Variants in FAM171A1 observed in about 807,000 individuals in gnomAD.
FAM171A1 encodes protein FAM171A1.
A neutral mutation model predicts 74.9 loss-of-function variants in FAM171A1; 23 were observed. That is an observed-to-expected ratio of 0.31 (90% CI 0.22 to 0.44). FAM171A1 has a LOEUF of 0.44. Ranked by LOEUF, FAM171A1 falls within the 20% of genes least tolerant of loss-of-function variation. The pLI is 1.00. For synonymous variants in FAM171A1, 527 were observed against 505.7 expected (o/e 1.04, Z -0.57); for missense variants, 1,162 against 1,159.2 (o/e 1.00, Z -0.03).
intron 1 of FAM171A1, among the ~76,000 whole-genome samples, chr10:15,369,123 G>A (rs532579285): frequency 1.4e-4 from 22 of 151,924 alleles, no homozygotes; most frequent in African/African-American, 4.3e-4. Flanking sequence ...CTCCCATTTC[G>A]CATAATATTC....
At chr10:15,277,848 C>T (rs1834913857) in intron 2 of FAM171A1, among the ~76,000 whole-genome samples, 1 of 152,106 alleles carries the variant, frequency 6.6e-6, no homozygotes, top group African/African-American at 2.4e-5. Context: ...CCTCTGCCTC[C>T]CACGTTCAAG....
intron 1 of FAM171A1, among the ~76,000 whole-genome samples, chr10:15,299,158 ATC>A (rs1419562174): frequency 6.6e-6 from 1 of 152,172 alleles, no homozygotes; most frequent in African/African-American, 2.4e-5. Flanking sequence ...ACCTCAGGTG[ATC>A]CGCCTGCTTC....
intron 3 of FAM171A1, among the ~76,000 whole-genome samples, chr10:15,275,199 G>C (rs540701648): frequency 3.9e-5 from 6 of 152,036 alleles, no homozygotes; most frequent in Non-Finnish European, 5.9e-5. Context: ...CATGTATACA[G>C]ATGTAACAAA....
intron 3 of FAM171A1, among the ~76,000 whole-genome samples, chr10:15,268,523 T>C (rs1014912848): frequency 1.3e-5 from 2 of 152,012 alleles, no homozygotes; most frequent in Non-Finnish European, 2.9e-5. Flanking sequence ...GCCAAAAATA[T>C]CAAGCTCTAT....
At chr10:15,342,585 C>CA (rs1365551476) in intron 1 of FAM171A1, among the ~76,000 whole-genome samples, 2 of 151,856 alleles carry the variant, frequency 1.3e-5, no homozygotes, top group Non-Finnish European at 2.9e-5. Context: ...GGCTCTGTCT[C>CA]AAAAAAACAC....
At chr10:15,312,721 A>ATTTTTTTTTTTTTTTTTTTT (rs1835378570) in intron 1 of FAM171A1, among the ~76,000 whole-genome samples, 1 of 31,212 alleles carries the variant, frequency 3.2e-5, no homozygotes, top group African/African-American at 1.2e-4. Flanking sequence ...TTTTGAGACG[A>ATTTTTTTTTTTTTTTTTTTT]TATTTTGCTC....
At chr10:15,240,151 G>A (rs977260274) in intron 5 of FAM171A1, among the ~76,000 whole-genome samples, 5 of 152,032 alleles carry the variant, frequency 3.3e-5, no homozygotes, top group African/African-American at 1.2e-4. Flanking sequence ...ACTTGAGGTC[G>A]GGAGTTCGAG....
intron 5 of FAM171A1, among the ~76,000 whole-genome samples, chr10:15,238,684 G>C (rs1028989991): frequency 4.5e-4 from 68 of 152,262 alleles, no homozygotes; most frequent in African/African-American, 1.5e-3. Context: ...AAGTGCAGAC[G>C]AATCTACTAC....
chr10:15,266,206 G>A (rs928159262), intron 3 of FAM171A1, among the ~76,000 whole-genome samples: 5 of 152,150 alleles, frequency 3.3e-5, no homozygotes, highest in Non-Finnish European at 5.9e-5. Flanking sequence ...CCATTCAGCC[G>A]CTATTCTCAA....
chr10:15,275,974 G>A (rs375041603), intron 2 of FAM171A1, 27 bp from the exon 3 acceptor site: 12 of 1,548,276 alleles, frequency 7.8e-6, no homozygotes, highest in African/African-American at 1.4e-5. Flanking sequence ...TGGATAGAAG[G>A]GGATTTTAAT....
At chr10:15,297,044 G>A (rs555651247) in intron 1 of FAM171A1, among the ~76,000 whole-genome samples, 4 of 151,924 alleles carry the variant, frequency 2.6e-5, no homozygotes, top group Admixed American at 1.3e-4. Context: ...TCTGAAGGGC[G>A]TGTATTAGAG....
At chr10:15,313,000 C>CT (rs1281854643) in intron 1 of FAM171A1, among the ~76,000 whole-genome samples, 2 of 151,966 alleles carry the variant, frequency 1.3e-5, no homozygotes, top group East Asian at 3.9e-4. Flanking sequence ...CGGCCTTGCA[C>CT]TTTTTTATTC....
intron 4 of FAM171A1, among the ~76,000 whole-genome samples, chr10:15,249,355 C>G (rs1207286486): frequency 1.3e-5 from 2 of 152,118 alleles, no homozygotes; most frequent in South Asian, 2.1e-4. Context: ...CTTGGCAATC[C>G]CAGGCCTGTG....
chr10:15,271,908 C>T (rs1834829935), intron 3 of FAM171A1, among the ~76,000 whole-genome samples: 1 of 152,200 alleles, frequency 6.6e-6, no homozygotes, highest in African/African-American at 2.4e-5. Flanking sequence ...AAGGAACAAC[C>T]AGTAACCAGC....
intron 5 of FAM171A1, among the ~76,000 whole-genome samples, chr10:15,233,296 A>G (rs976660604): frequency 2.9e-5 from 4 of 137,458 alleles, no homozygotes; most frequent in African/African-American, 4.9e-5. Flanking sequence ...CTCCGTCTCA[A>G]AAAAAAACAA....
At chr10:15,249,440 C>G (rs1588511507) in intron 4 of FAM171A1, among the ~76,000 whole-genome samples, 1 of 152,088 alleles carries the variant, frequency 6.6e-6, no homozygotes, top group African/African-American at 2.4e-5. Context: ...CTTTCAAAAA[C>G]GATCTCAAAA....
At chr10:15,352,985 G>C (rs1195315983) in intron 1 of FAM171A1, among the ~76,000 whole-genome samples, 1 of 152,240 alleles carries the variant, frequency 6.6e-6, no homozygotes, top group Admixed American at 6.5e-5. Flanking sequence ...GGTAGATGCA[G>C]GGCCTGGATA....
intron 1 of FAM171A1, among the ~76,000 whole-genome samples, chr10:15,348,833 G>A (rs568419584): frequency 6.0e-4 from 92 of 152,290 alleles, no homozygotes; most frequent in African/African-American, 2.1e-3. Context: ...TCGGGAGAAC[G>A]GGCAGCAGCT....
intron 1 of FAM171A1, among the ~76,000 whole-genome samples, chr10:15,366,260 C>T (rs935808283): frequency 3.3e-5 from 5 of 152,088 alleles, no homozygotes; most frequent in African/African-American, 1.2e-4. Flanking sequence ...GCTGGGATTA[C>T]AGGCGCCCGC....
Sources: allele counts gnomAD v4.1 joint callset (sites outside exome capture counted in the v4.1 genomes callset), GRCh38; gene constraint gnomAD v4.1.1; transcripts MANE v1.5; gene names NCBI Gene and HGNC (gene_info 2026-07-23, HGNC 2026-07-21).